Variants in TSPAN10 observed in about 807,000 individuals in gnomAD.
TSPAN10 encodes tetraspanin 10, also known as tetraspanin-10.
In TSPAN10, 11 loss-of-function variants were observed where a neutral mutation model predicts 15.0. The ratio of observed to expected loss-of-function variants is 0.73; its 90% CI spans 0.46 to 1.21. The LOEUF is 1.21. TSPAN10 is among the 50% of genes most tolerant of loss of function. The pLI is 0.00. For synonymous variants in TSPAN10, 241 were observed against 226.2 expected (o/e 1.07, Z -0.59); for missense variants, 486 against 470.6 (o/e 1.03, Z -0.30).
chr17:81,638,204 C>T (rs2036135127), upstream of TSPAN10: 1 of 152,132 alleles, frequency 6.6e-6, no homozygotes, highest in African/African-American at 2.4e-5. Context: ...GAGTTTAATT[C>T]ACACAGAGCC....
chr17:81,637,420 C>T, upstream of TSPAN10: 2 of 698,078 alleles, frequency 2.9e-6, no homozygotes, highest in East Asian at 5.4e-5. Flanking sequence ...AGTAGAGAAA[C>T]AATTTCAGGA....
chr17:81,647,932 G>A (rs1406199196), exon 3 of TSPAN10: 3 of 1,607,916 alleles, frequency 1.9e-6, no homozygotes, highest in Non-Finnish European at 1.7e-6. Context: ...CGGGGTGCAG[G>A]CCTGCAGCCT....
chr17:81,648,436 C>A, downstream of TSPAN10: 1 of 783,760 alleles, frequency 1.3e-6, no homozygotes, highest in Non-Finnish European at 1.7e-6. Flanking sequence ...CTACCCAGCT[C>A]GCTCACTTCG....
exon 3 of TSPAN10, chr17:81,648,038 A>G (rs2036281118): frequency 6.3e-7 from 1 of 1,599,176 alleles, no homozygotes; most frequent in Admixed American, 1.7e-5. Context: ...GACGCAGCTC[A>G]GAGAGTGGTG....
intron 2 of TSPAN10, chr17:81,647,683 G>C (rs907584105): frequency 1.5e-6 from 1 of 645,498 alleles, no homozygotes; most frequent in African/African-American, 1.8e-5. Context: ...ACCTGCAAGC[G>C]CAGAGGACTG....
rs777668849 is a variant in TSPAN10, at chr17:81,643,610, C to CAAAAAA, written c.36+1181_36+1186dup. On this transcript the variant is annotated intron_variant, in intron 1 of 2. Coordinates refer to ENST00000611590, the Ensembl canonical transcript of TSPAN10. ...TGGGCGACAGAGCGAGACTCCGTCT[C>CAAAAAA]AAAAAAAAAAAAAAAAAAAAAAAAT... 2.0e-4 allele frequency among the ~76,000 whole-genome samples: 3 copies of CAAAAAA among 15,132 alleles called. 1 individual carries two copies. The highest frequency in any genetic ancestry group is 1.1e-3 in the African/African-American group (2 of 1,774). The allele number at this position is 15,132 out of a possible 152,430, so 9.9% of individuals were successfully genotyped here.
exon 2 of TSPAN10, chr17:81,645,427 C>G (rs2036235971): frequency 1.2e-6 from 2 of 1,602,502 alleles, no homozygotes; most frequent in South Asian, 2.2e-5. Context: ...TGGGGGCATC[C>G]TTGCCTTCCT....
upstream of TSPAN10, among the ~76,000 whole-genome samples, chr17:81,640,317 C>T (rs1385265820): frequency 2.0e-5 from 3 of 151,810 alleles, no homozygotes; most frequent in Admixed American, 6.6e-5. Context: ...CTCCTTAGCT[C>T]GAAGATGGCA....
exon 3 of TSPAN10, chr17:81,648,075 C>T (rs1021332582): frequency 5.7e-6 from 9 of 1,591,724 alleles, no homozygotes; most frequent in Admixed American, 5.2e-5. Context: ...GCCCGCCGCT[C>T]CGGCGGTGGC....
At chr17:81,645,596 G>A in exon 2 of TSPAN10, 4 of 1,612,642 alleles carry the variant, frequency 2.5e-6, no homozygotes, top group Middle Eastern at 1.6e-4. Flanking sequence ...AGGTGCTGCG[G>A]AGCTGCCTCC....
At chr17:81,647,569 T>C (rs1313580760) in intron 2 of TSPAN10, 3 of 583,288 alleles carry the variant, frequency 5.1e-6, no homozygotes, top group Non-Finnish European at 9.7e-6. Context: ...CTCAATGAGC[T>C]CAGCAGCCTC....
At chr17:81,648,288 G>C in exon 3 of TSPAN10, 2 of 1,208,830 alleles carry the variant, frequency 1.7e-6, no homozygotes, top group African/African-American at 3.2e-5. Context: ...AGCCCGCCCG[G>C]GGCTGAGCGC....
chr17:81,641,525 C>T (rs2144374836), upstream of TSPAN10, among the ~76,000 whole-genome samples: 1 of 152,216 alleles, frequency 6.6e-6, no homozygotes, highest in South Asian at 2.1e-4. Context: ...GTGCTCCCAC[C>T]CAGGCGTCTC....
upstream of TSPAN10, among the ~76,000 whole-genome samples, chr17:81,639,815 A>T (rs2036162034): frequency 6.6e-6 from 1 of 151,434 alleles, no homozygotes; most frequent in Admixed American, 6.6e-5. Flanking sequence ...TGTCTCTATT[A>T]AAAATAAAAA....
upstream of TSPAN10, among the ~76,000 whole-genome samples, chr17:81,642,151 C>T (rs574436608): frequency 6.6e-6 from 1 of 152,270 alleles, no homozygotes; most frequent in South Asian, 2.1e-4. Context: ...GCTTAGGGGA[C>T]CCACAGAGCC....
chr17:81,648,479 G>A, downstream of TSPAN10: 2 of 546,466 alleles, frequency 3.7e-6, no homozygotes, highest in Non-Finnish European at 5.2e-6. Flanking sequence ...AGCCCCCAAC[G>A]CAGGGCGCCC....
chr17:81,638,579 G>C (rs1024784338), upstream of TSPAN10: 5 of 152,364 alleles, frequency 3.3e-5, no homozygotes, highest in Admixed American at 1.3e-4. Flanking sequence ...GACTATAGAC[G>C]TGAGCCACCG....
chr17:81,645,724 C>G (rs1285135292), intron 2 of TSPAN10, 95 bp downstream of exon 3: 2 of 1,471,752 alleles, frequency 1.4e-6, no homozygotes, highest in Admixed American at 1.8e-5. Context: ...CACGTACATA[C>G]TCATTCGTGC....
rs772904368 is a variant in TSPAN10 at position 81,642,465 on chromosome 17, G to A, written c.36+17G>A. On this transcript the variant is annotated intron_variant, in intron 1 of 2. Coordinates refer to ENST00000611590, the Ensembl canonical transcript of TSPAN10. ...CTGTCCCAGGTGAGCCATGCCAAGTGGCCTTGCCCTGAGGTTGGAGATGTC... is the reference window on the plus strand; with the variant it reads ...CTGTCCCAGGTGAGCCATGCCAAGTAGCCTTGCCCTGAGGTTGGAGATGTC... 1 of 1,601,534 alleles carries A rather than the reference G, an allele frequency of 6.2e-7. No homozygotes were observed. Among genetic ancestry groups the A allele is most frequent in the East Asian group, 2.2e-5 (1 of 44,702 alleles).
Sources: gnomAD v4.1 joint callset for allele counts (sites outside exome capture counted in the v4.1 genomes callset) on GRCh38, gnomAD v4.1.1 for gene constraint, MANE v1.5 for transcripts, NCBI Gene and HGNC (gene_info 2026-07-23, HGNC 2026-07-21) for gene names.